CPHXL: variants seen among roughly 807,000 people sequenced by gnomAD.
The protein encoded by CPHXL is cytoplasmic polyadenylated homeobox-like protein.
At chr16:75,715,362 T>C in intron 2 of CPHXL, 140 bp from the exon 3 acceptor site, 1 of 396,866 alleles carries the variant, frequency 2.5e-6, no homozygotes, top group Non-Finnish European at 4.4e-6. Context: ...CATTAAAGCA[T>C]ATAAATAATA....
In CPHXL at chr16:75,718,793, G is replaced by A. The variant is rs79550109; in HGVS notation, c.26-335C>T. On this transcript the variant is annotated intron_variant, in intron 1 of 2. Transcript: ENST00000640559. ...TTGAGGCTCCAATGTGTCTAGGGTC[G>A]ACACAGCCTAACATATTTACTATCT... Among the ~76,000 whole-genome samples the A allele has an allele frequency of 4.3e-3, 648 of 152,286 alleles. 15 individuals carry two copies. The East Asian group carries it at 0.069, about 16-fold the overall frequency.
At chr16:75,718,844 T>G (rs1044788742) in intron 1 of CPHXL, among the ~76,000 whole-genome samples, 1 of 152,184 alleles carries the variant, frequency 6.6e-6, no homozygotes, top group African/African-American at 2.4e-5. Context: ...TATTTAAAAT[T>G]AGAACTAATT....
chr16:75,723,752 T>C (rs1260631781), intron 1 of CPHXL, among the ~76,000 whole-genome samples: 2 of 151,994 alleles, frequency 1.3e-5, no homozygotes, highest in Admixed American at 1.3e-4. Flanking sequence ...AAAAAACTAC[T>C]TTAAAGTTCA....
At chr16:75,717,524 C>G (rs1046876091) in intron 2 of CPHXL, among the ~76,000 whole-genome samples, 2 of 152,122 alleles carry the variant, frequency 1.3e-5, no homozygotes, top group Non-Finnish European at 2.9e-5. Flanking sequence ...TACCTGATAC[C>G]TAATATAACA....
At chr16:75,724,826 G>C (rs527621275) in intron 1 of CPHXL, among the ~76,000 whole-genome samples, 7 of 152,242 alleles carry the variant, frequency 4.6e-5, no homozygotes, top group African/African-American at 1.7e-4. Flanking sequence ...ACATGCACAC[G>C]TATGTTTATA....
In CPHXL at chr16:75,714,511, A is replaced by T. The variant is rs1959361365; in HGVS notation, c.931T>A (p.Trp311Arg). The change falls in exon 3 of 3, where the codon TGG becomes AGG. Residue 311 changes from tryptophan to arginine, a missense_variant. By Grantham distance (101) the Trp-to-Arg change is moderately radical (BLOSUM62 -3). Coordinates refer to ENST00000640559, the MANE Select transcript of CPHXL (RefSeq NM_001355613.1). ...TGGTGCTGCTGCAGGTGATACTGCC[A>T]ATCATTCTGCTGCTGTTGTCCCAGC... ...SLLGQQQQND[W>R]QYHLQQHQQP... The T allele has an allele frequency of 2.5e-6, 1 of 398,642 alleles. No individual in the cohort carries two copies. Among genetic ancestry groups the T allele is most frequent in the African/African-American group, 2.1e-5 (1 of 48,744 alleles). The allele number at this position is 398,642 out of a possible 1,614,324, so 24.7% of individuals were successfully genotyped here. A position where few individuals can be genotyped will look rare whatever the true frequency, so the allele number is the denominator to read the frequency against.
intron 1 of CPHXL, among the ~76,000 whole-genome samples, chr16:75,719,945 C>G (rs1258285502): frequency 6.6e-6 from 1 of 152,104 alleles, no homozygotes; most frequent in East Asian, 1.9e-4. Context: ...TGCTGCTCAC[C>G]AATATCTGCT....
At chr16:75,726,296 G>A (rs912175644) in intron 1 of CPHXL, 122 bp downstream of exon 1, 5 of 397,238 alleles carry the variant, frequency 1.3e-5, no homozygotes, top group Admixed American at 8.8e-5. Context: ...ACAATTTACC[G>A]GTGAAAAACA....
chr16:75,723,855 T>G (rs1188198049), intron 1 of CPHXL, among the ~76,000 whole-genome samples: 15 of 152,120 alleles, frequency 9.9e-5, no homozygotes, highest in Admixed American at 1.3e-4. Flanking sequence ...CAAACTATAC[T>G]ACAAGGCTAC....
chr16:75,723,539 T>G (rs1255737678), intron 1 of CPHXL, among the ~76,000 whole-genome samples: 12 of 152,146 alleles, frequency 7.9e-5, no homozygotes, highest in African/African-American at 2.9e-4. Context: ...GAATTCAACT[T>G]ACAAGGGATG....
intron 1 of CPHXL, among the ~76,000 whole-genome samples, chr16:75,719,466 T>G (rs1266128910): frequency 6.6e-6 from 1 of 152,210 alleles, no homozygotes; most frequent in Non-Finnish European, 1.5e-5. Flanking sequence ...ATGCTGCGCC[T>G]GGCTCAGAGG....
chr16:75,726,223 C>A (rs1256765366), intron 1 of CPHXL, among the ~76,000 whole-genome samples, 195 bp downstream of exon 1: 2 of 152,144 alleles, frequency 1.3e-5, no homozygotes, highest in African/African-American at 4.8e-5. Flanking sequence ...ATGGGACTCA[C>A]GGCTGCCATT....
At chr16:75,717,268 A>G (rs1299093517) in intron 2 of CPHXL, among the ~76,000 whole-genome samples, 1 of 152,196 alleles carries the variant, frequency 6.6e-6, no homozygotes, top group African/African-American at 2.4e-5. Flanking sequence ...TTTTTACAAT[A>G]CATACTCACT....
intron 1 of CPHXL, among the ~76,000 whole-genome samples, chr16:75,725,454 C>CTT (rs1047915594): frequency 8.0e-5 from 11 of 137,862 alleles, no homozygotes; most frequent in Non-Finnish European, 1.1e-4. Flanking sequence ...GTGGCTTCCT[C>CTT]TTTTTTTTTT....
intron 2 of CPHXL, among the ~76,000 whole-genome samples, chr16:75,716,661 T>C (rs1959397226): frequency 6.6e-6 from 1 of 152,112 alleles, no homozygotes; most frequent in Non-Finnish European, 1.5e-5. Flanking sequence ...TATTGTATGG[T>C]CATGATTGAT....
intron 2 of CPHXL, among the ~76,000 whole-genome samples, chr16:75,715,518 G>C (rs573147852): frequency 6.6e-6 from 1 of 152,058 alleles, no homozygotes; most frequent in Non-Finnish European, 1.5e-5. Flanking sequence ...ACCTGTTTGT[G>C]ACCCATTTGC....
At chr16:75,722,266 G>A (rs946522333) in intron 1 of CPHXL, among the ~76,000 whole-genome samples, 4 of 151,606 alleles carry the variant, frequency 2.6e-5, no homozygotes, top group African/African-American at 9.7e-5. Flanking sequence ...GAGCAGAACT[G>A]AAGGAAATAG....
chr16:75,724,028 A>T (rs1199828966), intron 1 of CPHXL, among the ~76,000 whole-genome samples: 3 of 152,244 alleles, frequency 2.0e-5, no homozygotes, highest in African/African-American at 7.2e-5. Flanking sequence ...TGGGGAAAGG[A>T]TTCCCTATTT....
rs559392513 is a variant in CPHXL at position 75,721,749 on chromosome 16, G to A, written c.26-3291C>T. On this transcript the variant is annotated intron_variant, in intron 1 of 2. Transcript: ENST00000640559. ...AATTGAACTCAGCTCTGCACCAAGC[G>A]GACCTAATAGACATCTACAGAACTC... Among the ~76,000 whole-genome samples, 63 of 152,146 alleles carry A rather than the reference G, an allele frequency of 4.1e-4. 1 individual carries two copies. The East Asian group carries it at 6.8e-3, about 16-fold the overall frequency.
Sources: gnomAD v4.1 joint callset for allele counts (sites outside exome capture counted in the v4.1 genomes callset) on GRCh38, gnomAD v4.1.1 for gene constraint, MANE v1.5 for transcripts, NCBI Gene and HGNC (gene_info 2026-07-23, HGNC 2026-07-21) for gene names.